Variants in CDKAL1 observed in about 807,000 individuals in gnomAD.
CDKAL1 encodes threonylcarbamoyladenosine tRNA methylthiotransferase.
In CDKAL1, 32 loss-of-function variants were observed where a neutral mutation model predicts 68.2. The observed-to-expected ratio is 0.47, with a 90% CI of 0.35 to 0.63. CDKAL1 has a LOEUF of 0.63. Ranked by LOEUF, CDKAL1 falls within the 30% of genes least tolerant of loss-of-function variation. CDKAL1 has a pLI of 0.00. For missense variants in CDKAL1, 606 were observed against 696.7 expected (o/e 0.87, Z 1.47); for synonymous variants, 234 against 244.3 (o/e 0.96, Z 0.39).
intron 4 of CDKAL1, among the ~76,000 whole-genome samples, chr6:20,610,349 C>T (rs1053947591): frequency 6.6e-6 from 1 of 152,122 alleles, no homozygotes; most frequent in African/African-American, 2.4e-5. Context: ...TTTGAGGAAT[C>T]GCCATACAGT....
Position 20,596,977 on chromosome 6 carries a change from G to C in CDKAL1, c.286+48272G>C, listed in dbSNP as rs1385459565. Among the ~76,000 whole-genome samples the C allele has an allele frequency of 7.9e-5, 12 of 152,168 alleles. No homozygotes were observed. In the East Asian group the frequency reaches 1.7e-3, roughly 22 times the overall value. ...TTGCCCCCCATGGGCTGCCCCCACT[G>C]TCTAACCAGGCCCGTTGAGATGAGC... On this transcript the variant is annotated intron_variant, in intron 4 of 15. Coordinates refer to ENST00000274695, the MANE Select transcript of CDKAL1 (RefSeq NM_017774.3).
intron 13 of CDKAL1, among the ~76,000 whole-genome samples, chr6:21,147,231 A>G (rs1776220832): frequency 6.6e-6 from 1 of 152,206 alleles, no homozygotes; most frequent in Non-Finnish European, 1.5e-5. Flanking sequence ...AAAAAAGATA[A>G]TTTTATTTAG....
At chr6:20,714,378 C>CTTTTTTTTTT (rs545162371) in intron 5 of CDKAL1, among the ~76,000 whole-genome samples, 2 of 72,740 alleles carry the variant, frequency 2.7e-5, no homozygotes, top group African/African-American at 4.8e-5. Context: ...ATTGTCTGTT[C>CTTTTTTTTTT]TTTTTTTTTT....
intron 15 of CDKAL1, among the ~76,000 whole-genome samples, chr6:21,226,793 A>G (rs1035125523): frequency 6.6e-6 from 1 of 152,164 alleles, no homozygotes; most frequent in Non-Finnish European, 1.5e-5. Context: ...GCTCACTGCA[A>G]GCTTCGCCTC....
At chr6:20,968,611 C>T (rs1038127458) in intron 10 of CDKAL1, among the ~76,000 whole-genome samples, 2 of 151,834 alleles carry the variant, frequency 1.3e-5, no homozygotes, top group Non-Finnish European at 2.9e-5. Flanking sequence ...CTTTCTATTC[C>T]CCCCATCAAG....
chr6:20,732,441 AT>A lies in CDKAL1; in HGVS notation c.372-7062del, dbSNP rs35633408. Among the ~76,000 whole-genome samples, 685 of 119,004 alleles carry A rather than the reference AT, an allele frequency of 5.8e-3. 2 individuals are homozygous for A. The highest frequency in any genetic ancestry group is 0.013 in the Middle Eastern group (3 of 224). 78.1% of individuals were successfully genotyped at this position (119,004 alleles called of 152,430 possible). ...CAGCTGTGCACCATGACACCTGGCT[AT>A]TTTTTTTTTTTTTTTGGTATTTTTA... is the stretch of plus-strand genomic sequence containing the variant. On this transcript the variant is annotated intron_variant, in intron 5 of 15. Coordinates refer to ENST00000274695, the MANE Select transcript of CDKAL1 (RefSeq NM_017774.3).
intron 9 of CDKAL1, among the ~76,000 whole-genome samples, chr6:20,870,215 T>C (rs1377953451): frequency 6.6e-6 from 1 of 152,194 alleles, no homozygotes; most frequent in Non-Finnish European, 1.5e-5. Context: ...TGGAGAGCTG[T>C]TCTGTCAGTG....
At chr6:20,973,293 A>G (rs1357581418) in intron 10 of CDKAL1, among the ~76,000 whole-genome samples, 1 of 152,200 alleles carries the variant, frequency 6.6e-6, no homozygotes. Flanking sequence ...ATATGTAAAT[A>G]TAAAGGTATC....
At chr6:20,695,730 A>G (rs1463667420) in intron 5 of CDKAL1, among the ~76,000 whole-genome samples, 2 of 151,646 alleles carry the variant, frequency 1.3e-5, no homozygotes, top group Non-Finnish European at 2.9e-5. Context: ...TCTGGTTTTT[A>G]TTGATTTTTT....
At chr6:20,584,926 C>T (rs1459241107) in intron 4 of CDKAL1, among the ~76,000 whole-genome samples, 1 of 152,216 alleles carries the variant, frequency 6.6e-6, no homozygotes, top group East Asian at 1.9e-4. Context: ...GTATACTCAT[C>T]CTGTCTCCCC....
intron 12 of CDKAL1, among the ~76,000 whole-genome samples, chr6:21,102,230 G>A (rs948673352): frequency 3.9e-5 from 6 of 151,946 alleles, no homozygotes; most frequent in East Asian, 1.9e-4. Flanking sequence ...TTCTTTTACC[G>A]TGCTTTTATC....
At chr6:21,010,357 A>C (rs201291) in intron 11 of CDKAL1, among the ~76,000 whole-genome samples, 13,808 of 152,256 alleles carry the variant, frequency 0.091, 818 homozygotes, top group Middle Eastern at 0.16. Flanking sequence ...ACATTTCAAA[A>C]ACTTTAAGCC....
intron 9 of CDKAL1, among the ~76,000 whole-genome samples, chr6:20,950,337 T>G (rs1764460976): frequency 6.6e-6 from 1 of 152,068 alleles, no homozygotes; most frequent in Non-Finnish European, 1.5e-5. Context: ...TTGGTCAGGC[T>G]GGTCTGGAAC....
At chr6:20,563,720 T>C (rs1764355694) in intron 4 of CDKAL1, among the ~76,000 whole-genome samples, 1 of 152,042 alleles carries the variant, frequency 6.6e-6, no homozygotes, top group African/African-American at 2.4e-5. Flanking sequence ...GTTTTTGCAT[T>C]TGTGAAGTGT....
chr6:20,802,583 T>C (rs1776414565), intron 8 of CDKAL1, among the ~76,000 whole-genome samples: 1 of 152,072 alleles, frequency 6.6e-6, no homozygotes, highest in Non-Finnish European at 1.5e-5. Flanking sequence ...TACACACACA[T>C]ATATAAGAAC....
At chr6:20,664,021 AAG>A (rs1769410329) in intron 5 of CDKAL1, among the ~76,000 whole-genome samples, 1 of 152,160 alleles carries the variant, frequency 6.6e-6, no homozygotes, top group Non-Finnish European at 1.5e-5. Context: ...AACCAATGGG[AAG>A]AGTCTTACAA....
intron 4 of CDKAL1, among the ~76,000 whole-genome samples, chr6:20,594,787 C>T (rs935981623): frequency 2.6e-5 from 4 of 152,174 alleles, no homozygotes; most frequent in African/African-American, 7.2e-5. Flanking sequence ...ATGGTCTTTA[C>T]AATTTGGTAT....
chr6:21,000,259 C>G lies in CDKAL1; in HGVS notation c.942C>G (p.Val314=), dbSNP rs1767358057. 2 of 1,613,892 alleles carry G rather than the reference C, an allele frequency of 1.2e-6. No individual in the cohort carries two copies. The highest frequency in any genetic ancestry group is 1.1e-5 in the South Asian group (1 of 91,036). Residue 314 remains valine (V), a synonymous_variant, in exon 11 of 16, where the codon GTC becomes GTG. Coordinates refer to ENST00000274695, the MANE Select transcript of CDKAL1 (RefSeq NM_017774.3). ...CAAAAATCCTTAATCACCCCAGAGTCTACGCTTTTCTGCACATACCAGTCC... is the reference window on the plus strand; with the variant it reads ...CAAAAATCCTTAATCACCCCAGAGTGTACGCTTTTCTGCACATACCAGTCC... The part of the protein sequence containing the change: ...EMAKILNHPR[V]YAFLHIPVQS...
At chr6:21,204,145 T>C (rs1778804809) in intron 15 of CDKAL1, among the ~76,000 whole-genome samples, 2 of 152,200 alleles carry the variant, frequency 1.3e-5, no homozygotes, top group African/African-American at 2.4e-5. Context: ...TGAAAAATTA[T>C]CTGAAAGCCA....
Sources: gnomAD v4.1 joint callset for allele counts (sites outside exome capture counted in the v4.1 genomes callset) on GRCh38, gnomAD v4.1.1 for gene constraint, MANE v1.5 for transcripts, NCBI Gene and HGNC (gene_info 2026-07-23, HGNC 2026-07-21) for gene names.